ERBB4: variants seen among roughly 807,000 people sequenced by gnomAD.
ERBB4 encodes erb-b2 receptor tyrosine kinase 4.
ERBB4 carries 42 observed loss-of-function variants against 158.0 expected under a neutral mutation model. That is an observed-to-expected ratio of 0.27 (90% CI 0.21 to 0.34). ERBB4 has a LOEUF of 0.34. ERBB4 is among the 10% of genes least tolerant of loss of function. ERBB4 has a pLI of 1.00. For missense variants in ERBB4, 1,333 were observed against 1,624.1 expected, an observed-to-expected ratio of 0.82 and a Z score of 3.08; for synonymous variants, 583 against 558.7, an observed-to-expected ratio of 1.04 and a Z score of -0.61.
At chr2:211,658,991 G>T (rs768194134) in intron 15 of ERBB4, among the ~76,000 whole-genome samples, 2 of 151,716 alleles carry the variant, frequency 1.3e-5, no homozygotes, top group African/African-American at 4.8e-5. Context: ...GCCTTATTTC[G>T]CTGGTAATAA....
At chr2:212,053,840 T>C (rs2077474095) in intron 2 of ERBB4, among the ~76,000 whole-genome samples, 1 of 152,120 alleles carries the variant, frequency 6.6e-6, no homozygotes, top group Admixed American at 6.5e-5. Flanking sequence ...TTCCACAGGG[T>C]TTTTATGATG....
chr2:212,533,602 G>T (rs1189384371), intron 1 of ERBB4, among the ~76,000 whole-genome samples: 3 of 152,086 alleles, frequency 2.0e-5, no homozygotes, highest in African/African-American at 7.2e-5. Flanking sequence ...TTCATAAAAA[G>T]GGGTTATTTT....
chr2:212,237,595 G>A (rs1433946374), intron 1 of ERBB4, among the ~76,000 whole-genome samples: 1 of 152,176 alleles, frequency 6.6e-6, no homozygotes, highest in Admixed American at 6.5e-5. Flanking sequence ...GCTTATCAGA[G>A]CTCGAATGCT....
intron 3 of ERBB4, among the ~76,000 whole-genome samples, chr2:211,906,345 A>G (rs1292725841): frequency 1.3e-5 from 2 of 152,122 alleles, no homozygotes; most frequent in Admixed American, 6.6e-5. Flanking sequence ...CGACCTGAAG[A>G]TTTTGTCATG....
At chr2:211,721,230 A>G (rs1007272067) in intron 7 of ERBB4, among the ~76,000 whole-genome samples, 4 of 152,174 alleles carry the variant, frequency 2.6e-5, no homozygotes, top group African/African-American at 9.7e-5. Flanking sequence ...TCAGCACTCT[A>G]AAAGTTTCAA....
chr2:211,835,499 CTTGA>C (rs780171661), intron 3 of ERBB4, among the ~76,000 whole-genome samples: 3 of 152,086 alleles, frequency 2.0e-5, no homozygotes, highest in East Asian at 3.9e-4. Context: ...ATGTGAGATT[CTTGA>C]TTAATTTTTT....
chr2:212,111,116 C>T (rs1352345873), intron 2 of ERBB4, among the ~76,000 whole-genome samples: 1 of 152,128 alleles, frequency 6.6e-6, no homozygotes, highest in Admixed American at 6.5e-5. Context: ...TTCCTTTGTC[C>T]CTGTTACTGC....
intron 19 of ERBB4, among the ~76,000 whole-genome samples, chr2:211,617,212 T>A (rs2125843628): frequency 6.6e-6 from 1 of 152,258 alleles, no homozygotes; most frequent in East Asian, 1.9e-4. Flanking sequence ...GCAGAGATTA[T>A]TAGCATTCTC....
At chr2:211,528,172 A>T (rs2066402578) in intron 20 of ERBB4, among the ~76,000 whole-genome samples, 1 of 152,092 alleles carries the variant, frequency 6.6e-6, no homozygotes, top group African/African-American at 2.4e-5. Flanking sequence ...AAGATATTCC[A>T]TGCCAATGGA....
chr2:211,846,284 A>T (rs1235559919), intron 3 of ERBB4, among the ~76,000 whole-genome samples: 3 of 152,070 alleles, frequency 2.0e-5, no homozygotes, highest in Non-Finnish European at 4.4e-5. Flanking sequence ...ACTTTTTTTC[A>T]TAAAAGATTC....
chr2:211,732,690 G>A (rs934898780), intron 5 of ERBB4, among the ~76,000 whole-genome samples: 2 of 152,196 alleles, frequency 1.3e-5, no homozygotes, highest in Admixed American at 6.5e-5. Context: ...CGGACATGGT[G>A]GCTCACGCCT....
intron 2 of ERBB4, among the ~76,000 whole-genome samples, chr2:212,007,365 T>A (rs1340937711): frequency 6.6e-6 from 1 of 151,848 alleles, no homozygotes; most frequent in Non-Finnish European, 1.5e-5. Flanking sequence ...TGTTCTTTAA[T>A]TTTTACTCTA....
chr2:211,711,857 A>G (rs1009419711), intron 9 of ERBB4, among the ~76,000 whole-genome samples, 193 bp downstream of exon 9: 5 of 152,166 alleles, frequency 3.3e-5, no homozygotes, highest in Non-Finnish European at 7.4e-5. Flanking sequence ...TCACCAAACT[A>G]AAGTTTGAGC....
At chr2:211,839,072 A>G (rs1369615033) in intron 3 of ERBB4, among the ~76,000 whole-genome samples, 1 of 151,272 alleles carries the variant, frequency 6.6e-6, no homozygotes, top group East Asian at 2.0e-4. Flanking sequence ...ATTCCTTTTT[A>G]CATAATGTGT....
At chr2:212,111,960 C>T (rs920028696) in intron 2 of ERBB4, among the ~76,000 whole-genome samples, 4 of 152,016 alleles carry the variant, frequency 2.6e-5, no homozygotes, top group African/African-American at 7.3e-5. Flanking sequence ...AAACATAGTG[C>T]CATGAATTTC....
chr2:211,669,267 T>G (rs1189269920), intron 14 of ERBB4, among the ~76,000 whole-genome samples: 1 of 146,698 alleles, frequency 6.8e-6, no homozygotes, highest in Non-Finnish European at 1.5e-5. Flanking sequence ...AAAACAACTA[T>G]GTACTTTACA....
intron 2 of ERBB4, among the ~76,000 whole-genome samples, chr2:212,004,389 ACATATGTTAGC>A (rs1459615217): frequency 1.3e-5 from 2 of 152,216 alleles, no homozygotes; most frequent in African/African-American, 4.8e-5. Flanking sequence ...CAAAGTGAGT[ACATATGTTAGC>A]CTGAACCACA....
chr2:211,523,325 TG>T (rs1309470729), intron 20 of ERBB4, among the ~76,000 whole-genome samples: 1 of 149,662 alleles, frequency 6.7e-6, no homozygotes, highest in East Asian at 2.0e-4. Flanking sequence ...TAGAAATCTA[TG>T]TGCTTGGGAA....
chr2:211,911,779 A>C (rs2079546149), intron 3 of ERBB4, among the ~76,000 whole-genome samples: 1 of 151,888 alleles, frequency 6.6e-6, no homozygotes, highest in Admixed American at 6.6e-5. Context: ...TGATAATCAA[A>C]GGTTACAAAT....
Sources: gnomAD v4.1 joint callset for allele counts (sites outside exome capture counted in the v4.1 genomes callset) on GRCh38, gnomAD v4.1.1 for gene constraint, MANE v1.5 for transcripts, NCBI Gene and HGNC (gene_info 2026-07-23, HGNC 2026-07-21) for gene names.